The following THSD4 variants were observed in gnomAD, a reference collection of about 807,000 sequenced individuals.
THSD4 encodes thrombospondin type 1 domain containing 4.
Under a neutral mutation model 119.0 loss-of-function variants are expected in THSD4, and 69 were observed. The ratio of observed to expected loss-of-function variants is 0.58; its 90% CI spans 0.48 to 0.71. The LOEUF is 0.71. Ranked by LOEUF, THSD4 falls within the 30% of genes least tolerant of loss-of-function variation. THSD4 has a pLI of 0.00. For missense variants in THSD4, 1,393 were observed against 1,391.1 expected (o/e 1.00, Z -0.02); for synonymous variants, 524 against 540.4 (o/e 0.97, Z 0.42).
intron 6 of THSD4, among the ~76,000 whole-genome samples, chr15:71,365,190 G>T (rs1596369718): frequency 1.7e-5 from 2 of 116,696 alleles, no homozygotes; most frequent in African/African-American, 5.4e-5. Context: ...AGACAGAAAA[G>T]AAGAGAGAGG....
chr15:71,287,867 T>G (rs1241091557), intron 6 of THSD4, among the ~76,000 whole-genome samples: 2 of 152,240 alleles, frequency 1.3e-5, no homozygotes, highest in Non-Finnish European at 2.9e-5. Flanking sequence ...CAAGAAGGAA[T>G]TTTTAACTCT....
At chr15:71,338,712 A>G (rs1025002428) in intron 6 of THSD4, among the ~76,000 whole-genome samples, 1 of 152,146 alleles carries the variant, frequency 6.6e-6, no homozygotes, top group African/African-American at 2.4e-5. Context: ...TAGAAGGAAA[A>G]GACACCCTTA....
intron 7 of THSD4, among the ~76,000 whole-genome samples, chr15:71,503,200 A>C (rs1291333862): frequency 6.6e-6 from 1 of 152,208 alleles, no homozygotes; most frequent in African/African-American, 2.4e-5. Flanking sequence ...CATTCCAGGC[A>C]GCGGGAACAG....
chr15:71,213,615 G>C (rs2043905467), intron 3 of THSD4, among the ~76,000 whole-genome samples: 1 of 152,176 alleles, frequency 6.6e-6, no homozygotes. Context: ...CTGGTGCTCA[G>C]AGCATGTCTT....
intron 7 of THSD4, among the ~76,000 whole-genome samples, chr15:71,599,690 T>C (rs1190881943): frequency 1.3e-5 from 2 of 152,196 alleles, no homozygotes; most frequent in Non-Finnish European, 2.9e-5. Flanking sequence ...TGAGGAGCAT[T>C]TTATAAATTA....
chr15:71,513,212 G>A (rs3934655), intron 7 of THSD4, among the ~76,000 whole-genome samples: 82,957 of 152,060 alleles, frequency 0.55, 24,216 homozygotes, highest in East Asian at 0.81. Context: ...TGCCATCCTT[G>A]CATTGCCCTT....
At chr15:71,577,563 CTG>C (rs1251263620) in intron 7 of THSD4, among the ~76,000 whole-genome samples, 4 of 152,114 alleles carry the variant, frequency 2.6e-5, no homozygotes, top group African/African-American at 7.2e-5. Context: ...GCTTTCGAAA[CTG>C]TGAAGTACAT....
At chr15:71,632,541 C>T (rs1472616817) in intron 7 of THSD4, among the ~76,000 whole-genome samples, 3 of 152,354 alleles carry the variant, frequency 2.0e-5, no homozygotes, top group Middle Eastern at 6.8e-3. Flanking sequence ...TTCCCATGAC[C>T]AGAGAGTGTT....
chr15:71,448,849 A>G (rs1309116898), intron 7 of THSD4, among the ~76,000 whole-genome samples: 1 of 152,210 alleles, frequency 6.6e-6, no homozygotes, highest in Non-Finnish European at 1.5e-5. Context: ...GTAGAAACTG[A>G]CAAATTCTTC....
intron 6 of THSD4, among the ~76,000 whole-genome samples, chr15:71,293,301 T>C (rs1596318995): frequency 6.6e-6 from 1 of 152,288 alleles, no homozygotes; most frequent in Non-Finnish European, 1.5e-5. Context: ...CTCAGGTGGT[T>C]GGTTTTCTCC....
chr15:71,509,357 A>G (rs768139927), intron 7 of THSD4, among the ~76,000 whole-genome samples: 8 of 152,174 alleles, frequency 5.3e-5, no homozygotes, highest in Non-Finnish European at 1.0e-4. Flanking sequence ...CCGACTGCAA[A>G]CACTGATATC....
intron 1 of THSD4, among the ~76,000 whole-genome samples, chr15:71,140,420 T>A (rs1434776967): frequency 6.6e-6 from 1 of 151,826 alleles, no homozygotes; most frequent in Non-Finnish European, 1.5e-5. Context: ...ACTAATAGAG[T>A]GAGAACTCAC....
chr15:71,595,746 A>T (rs557001822), intron 7 of THSD4, among the ~76,000 whole-genome samples: 1 of 152,166 alleles, frequency 6.6e-6, no homozygotes, highest in South Asian at 2.1e-4. Context: ...GACTCCCCCA[A>T]CTCCATCACC....
chr15:71,458,739 TG>T (rs2047373446), intron 7 of THSD4, among the ~76,000 whole-genome samples: 1 of 152,124 alleles, frequency 6.6e-6, no homozygotes, highest in Non-Finnish European at 1.5e-5. Context: ...GAAATAAAGG[TG>T]AGGAAAATAT....
chr15:71,312,398 A>C (rs1171334470), intron 6 of THSD4, among the ~76,000 whole-genome samples: 2 of 152,014 alleles, frequency 1.3e-5, no homozygotes, highest in Non-Finnish European at 2.9e-5. Flanking sequence ...GGTGGGTCTT[A>C]ACCTAATCTG....
In THSD4 at chr15:71,728,696, G is replaced by A; in HGVS notation, c.1505G>A (p.Gly502Asp). The stretch of plus-strand genomic sequence containing the variant: ...GCCGGAGAGTCCTTTTTGGCGGAAG[G>A]TCCCACCAACGAGATCTTGGATGTC... ...STAGESFLAEGPTNEILDVYM... is the reference protein window; with the variant it reads ...STAGESFLAEDPTNEILDVYM... Residue 502 changes from glycine to aspartate, a missense_variant, in exon 9 of 18, where the codon GGT (glycine) becomes GAT (aspartate). By Grantham distance (94) the Gly-to-Asp change is moderately conservative (BLOSUM62 -1). Transcript: ENST00000261862. 2 of 1,614,136 alleles carry A rather than the reference G, an allele frequency of 1.2e-6. No individual in the cohort carries two copies. Among genetic ancestry groups the A allele is most frequent in the Non-Finnish European group, 8.5e-7 (1 of 1,180,028 alleles).
At chr15:71,152,119 A>G (rs57012275) in intron 2 of THSD4, among the ~76,000 whole-genome samples, 1 of 152,276 alleles carries the variant, frequency 6.6e-6, no homozygotes, top group African/African-American at 2.4e-5. Context: ...TTACAAATAC[A>G]GTATATTAAA....
intron 7 of THSD4, among the ~76,000 whole-genome samples, chr15:71,633,461 G>A (rs535250641): frequency 3.3e-5 from 5 of 152,086 alleles, no homozygotes; most frequent in Admixed American, 2.6e-4. Context: ...TTTTCGTAGA[G>A]ATGGAGTTTT....
intron 7 of THSD4, among the ~76,000 whole-genome samples, chr15:71,459,793 G>A (rs1003394143): frequency 6.6e-6 from 1 of 152,166 alleles, no homozygotes; most frequent in Non-Finnish European, 1.5e-5. Flanking sequence ...ATTGTGTGCT[G>A]CTTTGAACTA....
Sources: allele counts gnomAD v4.1 joint callset (sites outside exome capture counted in the v4.1 genomes callset), GRCh38; gene constraint gnomAD v4.1.1; transcripts MANE v1.5; gene names NCBI Gene and HGNC (gene_info 2026-07-23, HGNC 2026-07-21).